SCRN1: variants seen among roughly 807,000 people sequenced by gnomAD.
SCRN1 encodes secernin 1, also known as secernin-1.
Under a neutral mutation model 43.3 loss-of-function variants are expected in SCRN1, and 19 were observed. The observed-to-expected ratio is 0.44, with a 90% CI of 0.31 to 0.64. The LOEUF (loss-of-function observed/expected upper bound fraction) is 0.64, where lower values mean the gene tolerates loss of function less well. SCRN1 is among the 30% of genes least tolerant of loss of function. SCRN1 has a pLI of 0.09. For missense variants in SCRN1, 447 were observed against 524.1 expected, an observed-to-expected ratio of 0.85 and a Z score of 1.44; for synonymous variants, 183 against 188.9, an observed-to-expected ratio of 0.97 and a Z score of 0.26.
rs1200419836 is a variant in SCRN1, at chr7:29,944,003, T to G, written c.518A>C (p.Lys173Thr). Residue 173 changes from lysine to threonine, a missense_variant, in exon 4 of 8, where the codon AAG (lysine) becomes ACG (threonine). Transcript: ENST00000242059. The stretch of plus-strand genomic sequence containing the variant: ...TGTGACTTTCTCGGCAGCCCAGTAC[T>G]TCCCTATGGTCTCGAGCACCCAGGC... Reference protein sequence around the residue: ...DEAWVLETIGKYWAAEKVTEG... With the variant: ...DEAWVLETIGTYWAAEKVTEG... 1.9e-6 allele frequency: 3 copies of G among 1,614,206 alleles called. No homozygotes were observed. Among genetic ancestry groups the G allele is most frequent in the Non-Finnish European group, 2.5e-6 (3 of 1,180,032 alleles).
chr7:29,929,135 C>T (rs1366274583), intron 6 of SCRN1, among the ~76,000 whole-genome samples: 1 of 152,236 alleles, frequency 6.6e-6, no homozygotes, highest in Admixed American at 6.5e-5. Flanking sequence ...ACCTCAGCAG[C>T]ATCAGCCTCT....
intron 1 of SCRN1, among the ~76,000 whole-genome samples, chr7:29,982,872 G>A (rs1329070605): frequency 2.7e-5 from 4 of 148,932 alleles, no homozygotes; most frequent in Non-Finnish European, 3.0e-5. Context: ...ACGGATTCTC[G>A]CCCTGTTGCC....
intron 1 of SCRN1, among the ~76,000 whole-genome samples, 194 bp downstream of exon 1, chr7:29,989,448 C>T (rs1027646960): frequency 6.6e-6 from 1 of 152,078 alleles, no homozygotes; most frequent in Non-Finnish European, 1.5e-5. Flanking sequence ...CAGGCCGAGG[C>T]CACCTCTCCT....
intron 2 of SCRN1, among the ~76,000 whole-genome samples, chr7:29,958,834 G>A (rs898144197): frequency 7.2e-5 from 11 of 152,178 alleles, no homozygotes; most frequent in Non-Finnish European, 1.5e-4. Context: ...CCCAGAGCTG[G>A]AGTGTGGGCA....
intron 6 of SCRN1, among the ~76,000 whole-genome samples, chr7:29,933,579 C>T (rs1387659769): frequency 3.9e-5 from 6 of 152,206 alleles, no homozygotes; most frequent in Non-Finnish European, 8.8e-5. Flanking sequence ...CTTTGAATGA[C>T]TGTGGCACAC....
In SCRN1 at chr7:29,924,010, C is replaced by T. The variant is rs777818012; in HGVS notation, c.1192G>A (p.Val398Met). The change falls in exon 8 of 8, where the codon GTG becomes ATG. Residue 398 changes from valine (V) to methionine (M), a missense_variant. By Grantham distance (21) the Val-to-Met change is conservative (BLOSUM62 1). Transcript: ENST00000242059. ...TSSEPLDPAE[V>M]GDLFYDCVDT... The stretch of plus-strand genomic sequence containing the variant: ...ACACAGTCATAGAAAAGGTCCCCCA[C>T]TTCCGCAGGGTCCAGTGGCTCGGAG... 11 of 1,614,178 alleles carry T rather than the reference C, an allele frequency of 6.8e-6. No individual in the cohort carries two copies. The highest frequency in any genetic ancestry group is 1.7e-5 in the Admixed American group (1 of 60,012).
At position 29,950,756 on chromosome 7, in the gene SCRN1, G is replaced by A. The variant is rs911104792; in HGVS notation, c.341+4423C>T. On this transcript the variant is annotated intron_variant, in intron 3 of 7. Transcript: ENST00000242059. This position sits in a 1 kb window ranked among gnomAD's most constrained non-coding sequence, Gnocchi z 4.5. ...TTGGGATGACCTGCCTGCAGCAGAA[G>A]GGAGCTACCCACTACAGGTCTCCTC... Among the ~76,000 whole-genome samples, 3 of 152,120 alleles carry A rather than the reference G, an allele frequency of 2.0e-5. No individual in the cohort carries two copies. The highest frequency in any genetic ancestry group is 7.2e-5 in the African/African-American group (3 of 41,424).
At chr7:29,978,064 A>T (rs1788885626) in intron 1 of SCRN1, among the ~76,000 whole-genome samples, 2 of 152,176 alleles carry the variant, frequency 1.3e-5, no homozygotes, top group South Asian at 4.1e-4. Flanking sequence ...AGAGCTGCTT[A>T]ACAGTCTCTT....
At position 29,923,051 on chromosome 7, in the gene SCRN1, CTG is replaced by C. The variant is rs28364760; in HGVS notation, c.*904_*905del. ...CTCCTTGGCTGAGAGATTCACTACT[CTG>C]TGGGTGGAACTGTGCCATAGGGCCA... On this transcript the variant is annotated 3_prime_UTR_variant, in exon 8 of 8. Transcript: ENST00000242059. The C allele has an allele frequency of 0.39, 59,823 of 151,944 alleles. 14,179 individuals are homozygous for C. The highest frequency in any genetic ancestry group is 0.76 in the East Asian group (3,933 of 5,142). The allele number at this position is 151,944 out of a possible 1,614,324, so 9.4% of individuals were successfully genotyped here.
At chr7:29,952,428 G>A (rs909488548) in intron 3 of SCRN1, among the ~76,000 whole-genome samples, 28 of 152,168 alleles carry the variant, frequency 1.8e-4, no homozygotes, top group Non-Finnish European at 7.3e-5. Flanking sequence ...GGTGGTCCAC[G>A]CCTGTAATCC....
At chr7:29,959,197 T>C (rs546021065) in intron 2 of SCRN1, among the ~76,000 whole-genome samples, 1 of 152,250 alleles carries the variant, frequency 6.6e-6, no homozygotes, top group East Asian at 1.9e-4. Flanking sequence ...ATTGTGCCTT[T>C]CGTACTGTAC....
At chr7:29,967,756 C>T (rs1788543323) in intron 2 of SCRN1, among the ~76,000 whole-genome samples, 1 of 152,162 alleles carries the variant, frequency 6.6e-6, no homozygotes, top group Admixed American at 6.5e-5. Context: ...AACAACTAAA[C>T]AATCTCTATG....
At chr7:29,944,799 T>C (rs1018450307) in intron 3 of SCRN1, among the ~76,000 whole-genome samples, 53 of 151,908 alleles carry the variant, frequency 3.5e-4, no homozygotes, top group African/African-American at 1.3e-3. Context: ...CTGTGTGTCT[T>C]CCCCTCTTCT....
chr7:29,988,357 T>C (rs900878096), intron 1 of SCRN1, among the ~76,000 whole-genome samples: 1 of 152,228 alleles, frequency 6.6e-6, no homozygotes, highest in African/African-American at 2.4e-5. Flanking sequence ...CATCTTTTGA[T>C]AAGTTAGGAA....
At position 29,923,921 on chromosome 7, in the gene SCRN1, A is replaced by C; in HGVS notation, c.*36T>G. ...TTTGCTGGTAATTTAGTAAGGTGGG[A>C]AGTCTTAAATAAGAAGGGGAAAGGG... On this transcript the variant is annotated 3_prime_UTR_variant, in exon 8 of 8. Transcript: ENST00000242059. 1.9e-6 allele frequency: 3 copies of C among 1,570,422 alleles called. No homozygotes were observed. The highest frequency in any genetic ancestry group is 2.6e-6 in the Non-Finnish European group (3 of 1,156,670).
chr7:29,975,956 G>A (rs1181768877), intron 1 of SCRN1, among the ~76,000 whole-genome samples: 1 of 152,164 alleles, frequency 6.6e-6, no homozygotes, highest in Non-Finnish European at 1.5e-5. Context: ...CATGCTATTG[G>A]AGGAGAGGAG....
At chr7:29,981,823 T>G (rs1788999575) in intron 1 of SCRN1, among the ~76,000 whole-genome samples, 1 of 152,212 alleles carries the variant, frequency 6.6e-6, no homozygotes, top group South Asian at 2.1e-4. Context: ...AATGAGAGTA[T>G]GTGGTCTTTG....
chr7:29,949,391 T>C (rs1287638703), intron 3 of SCRN1, among the ~76,000 whole-genome samples: 1 of 150,004 alleles, frequency 6.7e-6, no homozygotes, highest in Non-Finnish European at 1.5e-5. Context: ...TTTTTTTTTT[T>C]TTTTTGAGAC....
At chr7:29,924,231 C>T (rs1419894523) in intron 7 of SCRN1, 116 bp from the exon 8 acceptor site, 1 of 917,626 alleles carries the variant, frequency 1.1e-6, no homozygotes, top group Non-Finnish European at 1.6e-6. Context: ...GTCCTCCCCA[C>T]ACTCCGTTTC....
Sources: gnomAD v4.1 joint callset for allele counts (sites outside exome capture counted in the v4.1 genomes callset) on GRCh38, gnomAD v4.1.1 for gene constraint, Gnocchi (gnomAD v3.1) non-coding constraint, MANE v1.5 for transcripts, NCBI Gene and HGNC (gene_info 2026-07-23, HGNC 2026-07-21) for gene names.